Variants in TSPAN4 observed in about 807,000 individuals in gnomAD.
TSPAN4 encodes the protein tetraspanin-4.
In TSPAN4, 38 loss-of-function variants were observed where a neutral mutation model predicts 31.5. That is an observed-to-expected ratio of 1.21 (90% CI 0.93 to 1.58). The LOEUF (loss-of-function observed/expected upper bound fraction) is 1.58. Ranked by LOEUF, TSPAN4 falls within the 40% of genes most tolerant of loss-of-function variation. TSPAN4 has a pLI of 0.00. For synonymous variants in TSPAN4, 186 were observed against 144.6 expected (o/e 1.29, Z -2.06); for missense variants, 330 against 317.3 (o/e 1.04, Z -0.30).
At chr11:852,660 T>C (rs1251174404) in intron 3 of TSPAN4, among the ~76,000 whole-genome samples, 6 of 152,226 alleles carry the variant, frequency 3.9e-5, no homozygotes, top group Non-Finnish European at 5.9e-5. Flanking sequence ...GTGAGGCTAT[T>C]TCAGGAGTCA....
rs750462124 is a variant in TSPAN4 at position 862,702 on chromosome 11, C to T, written c.216C>T (p.Cys72=). The stretch of plus-strand genomic sequence containing the variant: ...TCATGGCCATCGGCTTCGTGGGCTG[C>T]CTGGGTGCCATCAAGGAGAACAAGT... ...AFVMAIGFVG[C]LGAIKENKCL... The change falls in exon 4 of 9, where the codon TGC becomes TGT. Residue 72 remains cysteine (C), a synonymous_variant. Coordinates refer to ENST00000397397, the MANE Select transcript of TSPAN4 (RefSeq NM_003271.5). 2 of 1,612,766 alleles carry T rather than the reference C, an allele frequency of 1.2e-6. No homozygotes were observed. Among genetic ancestry groups the T allele is most frequent in the East Asian group, 2.2e-5 (1 of 44,884 alleles).
intron 3 of TSPAN4, among the ~76,000 whole-genome samples, chr11:853,766 A>G (rs1394427421): frequency 1.3e-5 from 2 of 152,214 alleles, no homozygotes; most frequent in Non-Finnish European, 2.9e-5. Flanking sequence ...TCACCCGGTG[A>G]TGGCAGCTCC....
chr11:846,685 G>C (rs1847340481), intron 1 of TSPAN4, among the ~76,000 whole-genome samples: 1 of 152,308 alleles, frequency 6.6e-6, no homozygotes, highest in Admixed American at 6.5e-5. Context: ...TCCATAGGGA[G>C]GGCGTGAGGC....
At chr11:862,338 G>A in intron 3 of TSPAN4, 1 of 563,088 alleles carries the variant, frequency 1.8e-6, no homozygotes, top group South Asian at 2.3e-5. Flanking sequence ...GTGTGGGTTT[G>A]GGGATGGGGT....
chr11:864,008 G>A (rs1265676715), intron 4 of TSPAN4: 2 of 218,808 alleles, frequency 9.1e-6, no homozygotes, highest in Admixed American at 4.9e-5. Context: ...CCCAGCTGTG[G>A]CCCCTGCTGG....
intron 3 of TSPAN4, chr11:857,570 T>G (rs1256519360): frequency 1.3e-5 from 2 of 152,148 alleles, no homozygotes; most frequent in Admixed American, 1.3e-4. Context: ...GCCCAGCTAA[T>G]TTTTTGTATT....
At chr11:864,170 G>A (rs1848633760) in intron 4 of TSPAN4, 1 of 557,634 alleles carries the variant, frequency 1.8e-6, no homozygotes. Flanking sequence ...GGTTGCCCCA[G>A]GGATGGGGGC....
At chr11:855,010 C>T (rs1376626328) in intron 3 of TSPAN4, among the ~76,000 whole-genome samples, 2 of 152,224 alleles carry the variant, frequency 1.3e-5, no homozygotes, top group East Asian at 1.9e-4. Context: ...GTGTGTGGCT[C>T]CCTGTGGGTG....
At chr11:851,979 C>T (rs1048037727) in intron 3 of TSPAN4, among the ~76,000 whole-genome samples, 2 of 93,522 alleles carry the variant, frequency 2.1e-5, no homozygotes, top group South Asian at 7.1e-4. Context: ...TGGAGGACCC[C>T]CAGGTGGACC....
intron 3 of TSPAN4, chr11:858,053 G>A (rs568679704): frequency 2.0e-5 from 3 of 152,480 alleles, no homozygotes; most frequent in African/African-American, 7.2e-5. Flanking sequence ...ACAGCCCAGG[G>A]GCAGGCTGGG....
At chr11:860,336 C>T (rs1478452142) in intron 3 of TSPAN4, among the ~76,000 whole-genome samples, 2 of 152,222 alleles carry the variant, frequency 1.3e-5, no homozygotes, top group African/African-American at 4.8e-5. Context: ...CATGCTGGCC[C>T]TTGGGCAGGG....
At chr11:849,764 C>T (rs1334028775) in intron 2 of TSPAN4, 1 of 126,746 alleles carries the variant, frequency 7.9e-6, no homozygotes, top group Non-Finnish European at 1.7e-5. Flanking sequence ...GAGGGGTCCG[C>T]GCGGGGGCGG....
In TSPAN4 at chr11:864,465, T is replaced by C; in HGVS notation, c.284T>C (p.Leu95Pro). The change falls in exon 5 of 9, where the codon CTG becomes CCG. Residue 95 changes from leucine (L) to proline (P), a missense_variant. Coordinates refer to ENST00000397397, the MANE Select transcript of TSPAN4 (RefSeq NM_003271.5). The stretch of plus-strand genomic sequence containing the variant: ...TTCCTGCTGCTGCTGCTGGTGTTCC[T>C]GCTGGAGGCCACCATCGCCATCCTC... ...TFFLLLLLVF[L>P]LEATIAILFF... 6.2e-7 allele frequency: 1 copy of C among 1,612,902 alleles called. No homozygotes were observed. Among genetic ancestry groups the C allele is most frequent in the South Asian group, 1.1e-5 (1 of 91,092 alleles).
intron 1 of TSPAN4, chr11:844,064 C>T (rs988149325): frequency 6.6e-6 from 1 of 152,392 alleles, no homozygotes; most frequent in Non-Finnish European, 1.5e-5. Flanking sequence ...TCCCTGACCC[C>T]CTCCCCCCAG....
At position 864,434 on chromosome 11, in the gene TSPAN4, C is replaced by T. The variant is rs1254020584; in HGVS notation, c.256-3C>T. The T allele has an allele frequency of 2.5e-6, 4 of 1,612,318 alleles. No homozygotes were observed. The highest frequency in any genetic ancestry group is 1.7e-5 in the Admixed American group (1 of 60,028). ...TCCCTGTCTGAGCCTGCCCCCTCCA[C>T]AGTTCTTCCTGCTGCTGCTGCTGGT... On this transcript the variant is annotated splice_region_variant and splice_polypyrimidine_tract_variant and intron_variant, in intron 4 of 8. Transcript: ENST00000397397.
intron 3 of TSPAN4, among the ~76,000 whole-genome samples, chr11:856,505 C>T (rs1414159240): frequency 4.6e-5 from 7 of 152,254 alleles, no homozygotes; most frequent in African/African-American, 1.4e-4. Context: ...TTCCTCTCCC[C>T]AGCTGTCATG....
rs554800053 is a variant in TSPAN4 at position 861,539 on chromosome 11, T to C, written c.64-1011T>C. 6.2e-3 allele frequency among the ~76,000 whole-genome samples: 947 copies of C among 151,962 alleles called. 11 individuals carry two copies. The highest frequency in any genetic ancestry group is 5.8e-3 in the Non-Finnish European group (393 of 67,982). On this transcript the variant is annotated intron_variant, in intron 3 of 8. Transcript: ENST00000397397. ...CATCCTGGCTAACACGGTGAAACCC[T>C]GTCTCTACTAAAAGTACAAAAAATT... is the stretch of plus-strand genomic sequence containing the variant.
chr11:842,895 G>T lies in TSPAN4; in HGVS notation c.-138G>T. 1.2e-5 allele frequency: 2 copies of T among 164,952 alleles called. No individual in the cohort carries two copies. The highest frequency in any genetic ancestry group is 3.4e-4 in the South Asian group (2 of 5,872). The allele number at this position is 164,952 out of a possible 1,614,324, so 10.2% of individuals were successfully genotyped here. A position where few individuals can be genotyped will look rare whatever the true frequency, so the allele number is the denominator to read the frequency against. On this transcript the variant is annotated 5_prime_UTR_variant, in exon 1 of 9. Transcript: ENST00000397397. ...GCTGCGCGGCGGGAGCGGGCGGCGC[G>T]AGCGGGAGGCGGCGGCGCAGGTACT...
At chr11:864,034 T>C (rs1003214365) in intron 4 of TSPAN4, 1 of 244,262 alleles carries the variant, frequency 4.1e-6, no homozygotes, top group African/African-American at 2.2e-5. Context: ...CTTCCCACCA[T>C]GAAGACAGGC....
Sources: allele counts gnomAD v4.1 joint callset (sites outside exome capture counted in the v4.1 genomes callset), GRCh38; gene constraint gnomAD v4.1.1; transcripts MANE v1.5; gene names NCBI Gene and HGNC (gene_info 2026-07-23, HGNC 2026-07-21).